Variants in TMEM272 observed in about 807,000 individuals in gnomAD.
TMEM272 encodes the protein long intergenic non-protein coding RNA 282.
TMEM272 carries 8 observed loss-of-function variants against 3.7 expected under a neutral mutation model. The observed-to-expected ratio is 2.17, with a 90% CI of 1.27 to 3.91. TMEM272 has a LOEUF of 3.91. TMEM272 is among the 30% of genes most tolerant of loss of function. TMEM272 has a pLI of 0.00. For synonymous variants in TMEM272, 63 were observed against 39.8 expected, an observed-to-expected ratio of 1.58 and a Z score of -2.20; for missense variants, 166 against 91.5, an observed-to-expected ratio of 1.81 and a Z score of -3.32.
chr13:51,903,942 C>CGTGTGTGTGTGTGTGTGT, the TMEM272 span, among the ~76,000 whole-genome samples: 22,586 of 136,352 alleles, frequency 0.17, 2,144 homozygotes, highest in Admixed American at 0.21. Context: ...CAGTCTTCCA[C>CGTGTGTGTGTGTGTGTGT]GTGTGTGTGT....
intron 1 of TMEM272, among the ~76,000 whole-genome samples, chr13:51,844,067 A>G (rs1211867812): frequency 1.3e-5 from 2 of 152,168 alleles, no homozygotes; most frequent in Non-Finnish European, 2.9e-5. Context: ...AACAACACTT[A>G]TCTGCTCCAA....
chr13:51,855,266 G>A, the TMEM272 span, among the ~76,000 whole-genome samples: 4 of 152,196 alleles, frequency 2.6e-5, no homozygotes, highest in Non-Finnish European at 4.4e-5. Flanking sequence ...CTCACAAGAA[G>A]TGAAGCCCAG....
chr13:51,868,589 C>T, the TMEM272 span, among the ~76,000 whole-genome samples: 1 of 152,198 alleles, frequency 6.6e-6, no homozygotes, highest in Non-Finnish European at 1.5e-5. Context: ...TCTCCACAAC[C>T]TCAGCAGCAG....
At chr13:51,918,437 C>T in the TMEM272 span, among the ~76,000 whole-genome samples, 4 of 152,180 alleles carry the variant, frequency 2.6e-5, no homozygotes, top group East Asian at 3.9e-4. Flanking sequence ...CTTTAAATTA[C>T]TTCAGCAAAT....
chr13:51,916,863 C>G, the TMEM272 span, among the ~76,000 whole-genome samples: 1 of 152,216 alleles, frequency 6.6e-6, no homozygotes, highest in Non-Finnish European at 1.5e-5. Context: ...TCTTCCTCCA[C>G]CCCGTGAGCA....
chr13:51,915,052 G>A, the TMEM272 span, among the ~76,000 whole-genome samples: 1 of 152,164 alleles, frequency 6.6e-6, no homozygotes. Context: ...ATACTTCACG[G>A]CAAATTACAA....
At chr13:51,871,564 T>C in the TMEM272 span, among the ~76,000 whole-genome samples, 3 of 152,028 alleles carry the variant, frequency 2.0e-5, no homozygotes, top group African/African-American at 7.2e-5. Context: ...CCCTTGCCAC[T>C]TGCCAGGAAT....
the TMEM272 span, among the ~76,000 whole-genome samples, chr13:51,930,096 C>T: frequency 6.7e-6 from 1 of 149,828 alleles, no homozygotes; most frequent in African/African-American, 2.5e-5. Flanking sequence ...CACTGGCTTT[C>T]CTTTTGGGGC....
chr13:51,905,005 A>C, the TMEM272 span, among the ~76,000 whole-genome samples: 1 of 152,300 alleles, frequency 6.6e-6, no homozygotes, highest in East Asian at 1.9e-4. Context: ...CCTGCCCTCC[A>C]ACCACTTGAC....
the TMEM272 span, chr13:51,909,155 C>G: frequency 7.0e-7 from 1 of 1,422,060 alleles, no homozygotes; most frequent in Non-Finnish European, 9.9e-7. Context: ...TAATTTTAAA[C>G]TCTGTTTCAG....
At chr13:51,828,732 G>T (rs566402140) in intron 2 of TMEM272, among the ~76,000 whole-genome samples, 7 of 152,188 alleles carry the variant, frequency 4.6e-5, no homozygotes, top group Non-Finnish European at 1.0e-4. Context: ...GAATATGTGT[G>T]AGCAGAGGGA....
chr13:51,895,663 G>C, the TMEM272 span, among the ~76,000 whole-genome samples: 2 of 152,034 alleles, frequency 1.3e-5, no homozygotes, highest in Non-Finnish European at 2.9e-5. Flanking sequence ...ACTCCTCCCA[G>C]CTAGACCCTG....
chr13:51,838,366 T>TA (rs1323279977), intron 2 of TMEM272, 107 bp downstream of exon 2: 1 of 696,756 alleles, frequency 1.4e-6, no homozygotes, highest in Non-Finnish European at 2.6e-6. Flanking sequence ...GGCCACCCCA[T>TA]ACCAAGCACA....
At chr13:51,928,106 G>A in the TMEM272 span, among the ~76,000 whole-genome samples, 1 of 152,014 alleles carries the variant, frequency 6.6e-6, no homozygotes, top group Non-Finnish European at 1.5e-5. Flanking sequence ...AGAACTGGGG[G>A]TCTGGCCTGG....
the TMEM272 span, among the ~76,000 whole-genome samples, chr13:51,881,258 G>C: frequency 3.3e-5 from 5 of 152,170 alleles, no homozygotes; most frequent in Non-Finnish European, 7.3e-5. Flanking sequence ...TGTAGGAACA[G>C]GGTAAATTGT....
At chr13:51,823,715 C>T (rs1422063479) in intron 3 of TMEM272, among the ~76,000 whole-genome samples, 1 of 152,256 alleles carries the variant, frequency 6.6e-6, no homozygotes, top group African/African-American at 2.4e-5. Context: ...GACATTTAGA[C>T]TTTTAGCTTT....
intron 1 of TMEM272, among the ~76,000 whole-genome samples, chr13:51,839,077 C>A (rs904890974): frequency 1.3e-5 from 2 of 151,984 alleles, no homozygotes; most frequent in African/African-American, 4.8e-5. Context: ...CTTCCTGACG[C>A]AGCTGCTGCA....
intron 2 of TMEM272, 119 bp downstream of exon 2, chr13:51,838,354 G>A (rs1956233302): frequency 5.8e-6 from 4 of 690,126 alleles, no homozygotes; most frequent in South Asian, 4.5e-5. Flanking sequence ...CTACCACCCT[G>A]GGGCCACCCC....
chr13:51,895,978 C>A, the TMEM272 span, among the ~76,000 whole-genome samples: 9 of 152,190 alleles, frequency 5.9e-5, no homozygotes, highest in African/African-American at 2.2e-4. Context: ...CTAACAGCTG[C>A]CTGACCCTCC....
Sources: gnomAD v4.1 joint callset for allele counts (sites outside exome capture counted in the v4.1 genomes callset) on GRCh38, gnomAD v4.1.1 for gene constraint, MANE v1.5 for transcripts, NCBI Gene and HGNC (gene_info 2026-07-23, HGNC 2026-07-21) for gene names.